Variants in CTCFL observed in about 807,000 individuals in gnomAD.
CTCFL encodes CCCTC-binding factor like.
In CTCFL, 36 loss-of-function variants were observed where a neutral mutation model predicts 67.4. The ratio of observed to expected loss-of-function variants is 0.53; its 90% CI spans 0.41 to 0.71. The LOEUF is 0.71. CTCFL is among the 30% of genes least tolerant of loss of function. The pLI, the probability that CTCFL is intolerant of heterozygous loss-of-function variation, is 0.00. For synonymous variants in CTCFL, 324 were observed against 302.3 expected (o/e 1.07, Z -0.75); for missense variants, 786 against 835.2 (o/e 0.94, Z 0.73).
chr20:57,522,631 T>C (rs965197057), intron 3 of CTCFL, among the ~76,000 whole-genome samples: 11 of 152,160 alleles, frequency 7.2e-5, no homozygotes, highest in Non-Finnish European at 1.5e-5. Flanking sequence ...CCCATCTTAG[T>C]GGCTTCTTTG....
intron 10 of CTCFL, chr20:57,500,189 G>A: frequency 1.0e-6 from 1 of 998,830 alleles, no homozygotes; most frequent in South Asian, 3.8e-5. Flanking sequence ...ATCAGGCCAG[G>A]CACAGGGGCT....
At chr20:57,511,875 G>A (rs2146356025) in intron 8 of CTCFL, among the ~76,000 whole-genome samples, 1 of 152,326 alleles carries the variant, frequency 6.6e-6, no homozygotes, top group South Asian at 2.1e-4. Context: ...TTGCAGGTGT[G>A]AGCCACTGCA....
intron 3 of CTCFL, among the ~76,000 whole-genome samples, chr20:57,521,194 A>T (rs6099665): frequency 0.023 from 3,447 of 152,302 alleles, 133 homozygotes; most frequent in African/African-American, 0.079. Context: ...AGTTTGTGGC[A>T]CTTTGTCATG....
chr20:57,517,431 C>A (rs983881691), intron 5 of CTCFL, among the ~76,000 whole-genome samples: 1 of 152,028 alleles, frequency 6.6e-6, no homozygotes, highest in Non-Finnish European at 1.5e-5. Context: ...CATGTGCCAC[C>A]ACACCTGGCT....
At chr20:57,509,829 G>C (rs575434869) in intron 8 of CTCFL, among the ~76,000 whole-genome samples, 19 of 152,158 alleles carry the variant, frequency 1.2e-4, no homozygotes, top group Non-Finnish European at 2.2e-4. Context: ...CATCTCTGGC[G>C]CTCCCTGCTG....
Position 57,519,376 on chromosome 20 carries a change from T to C in CTCFL, c.756A>G (p.Gly252=), listed in dbSNP as rs745558369. Residue 252 remains glycine, a splice_region_variant and synonymous_variant, in exon 4 of 11, where the codon GGA becomes GGG. Transcript: ENST00000243914. ...CATCACAGTGGAAGGTTCCTTTTGC[T>C]CCTATAGGCAGGAAATAGTTTATGT... ...KSTKNQRKTK[G]AKGTFHCDVC... is the part of the protein sequence containing the mutation. The C allele has an allele frequency of 4.3e-6, 7 of 1,612,158 alleles. No individual in the cohort carries two copies. Among genetic ancestry groups the C allele is most frequent in the African/African-American group, 1.3e-5 (1 of 74,882 alleles).
chr20:57,496,887 G>GA (rs1208299657), downstream of CTCFL, among the ~76,000 whole-genome samples: 1 of 152,074 alleles, frequency 6.6e-6, no homozygotes, highest in Non-Finnish European at 1.5e-5. Context: ...TGACTATTTT[G>GA]AAAAATGCTG....
intron 9 of CTCFL, among the ~76,000 whole-genome samples, chr20:57,505,921 G>A (rs1018979061): frequency 8.5e-5 from 13 of 152,146 alleles, no homozygotes; most frequent in African/African-American, 2.9e-4. Context: ...GAAACATCCC[G>A]CCTGATTCCC....
Position 57,523,871 on chromosome 20 carries a change from A to C in CTCFL, c.335T>G (p.Val112Gly). 6.2e-7 allele frequency: 1 copy of C among 1,613,154 alleles called. No homozygotes were observed. The highest frequency in any genetic ancestry group is 8.5e-7 in the Non-Finnish European group (1 of 1,180,026). The stretch of plus-strand genomic sequence containing the variant: ...CAGCAACCCAGGGCCAGGCTGTTGC[A>C]CCACCACCTGCACCCCTTCTTGCTG... ...IQQQEGVQVV[V>G]QQPGPGLLWL... is the part of the protein sequence containing the mutation. Residue 112 changes from valine to glycine, a missense_variant, in exon 2 of 11, where the codon GTG becomes GGG. This residue lies in a region of CTCFL where 333 missense variants were observed against 304.6 expected (regional missense o/e 1.09). Transcript: ENST00000243914.
At chr20:57,521,434 T>C (rs1472566504) in intron 3 of CTCFL, among the ~76,000 whole-genome samples, 6 of 152,210 alleles carry the variant, frequency 3.9e-5, no homozygotes, top group African/African-American at 7.2e-5. Flanking sequence ...TTGGTGAGGA[T>C]GTGGAGAAAC....
chr20:57,505,283 T>G (rs2068138821), intron 9 of CTCFL, among the ~76,000 whole-genome samples: 1 of 151,612 alleles, frequency 6.6e-6, no homozygotes, highest in Admixed American at 6.6e-5. Flanking sequence ...TGAGACGGAG[T>G]CTTGCTCTTT....
intron 7 of CTCFL, among the ~76,000 whole-genome samples, 154 bp from the exon 8 acceptor site, chr20:57,512,906 G>A (rs1194746600): frequency 6.6e-6 from 1 of 152,188 alleles, no homozygotes; most frequent in Non-Finnish European, 1.5e-5. Flanking sequence ...TGCATTGTAG[G>A]ATGTTAAGCA....
intron 1 of CTCFL, 33 bp from the exon 2 acceptor site, chr20:57,524,249 G>A (rs11699220): frequency 0.45 from 709,651 of 1,574,958 alleles, 164,639 homozygotes; most frequent in Middle Eastern, 0.52. Flanking sequence ...GTTTCCATAG[G>A]GGGGAGAAGG....
chr20:57,505,481 C>T (rs1280562740), intron 9 of CTCFL, among the ~76,000 whole-genome samples: 3 of 152,112 alleles, frequency 2.0e-5, no homozygotes, highest in Non-Finnish European at 4.4e-5. Context: ...TGGTCTCGAT[C>T]TCCTGACCTC....
At chr20:57,509,523 A>G (rs1006370248) in intron 8 of CTCFL, among the ~76,000 whole-genome samples, 1 of 152,090 alleles carries the variant, frequency 6.6e-6, no homozygotes, top group Non-Finnish European at 1.5e-5. Flanking sequence ...TTAGCCTCCC[A>G]AAGTGCTGGG....
Position 57,524,148 on chromosome 20 carries a change from C to T in CTCFL, c.58G>A (p.Glu20Lys), listed in dbSNP as rs752729345. The change falls in exon 2 of 11, where the codon GAG becomes AAG. Residue 20 changes from glutamate to lysine, a missense_variant. Physicochemically the swap from Glu to Lys is moderately conservative, Grantham distance 56. This residue lies in a region of CTCFL where 333 missense variants were observed against 304.6 expected (regional missense o/e 1.09). Coordinates refer to ENST00000243914, the MANE Select transcript of CTCFL (RefSeq NM_001386993.1). ...SEQFTKIKEL[E>K]LMPEKGLKEE... ...TTCAGGCCTTTTTCCGGCATCAACT[C>T]GAGTTCTTTGATCTTGGTGAATTGC... 10 of 1,613,390 alleles carry T rather than the reference C, an allele frequency of 6.2e-6. No homozygotes were observed. The East Asian group carries it at 2.0e-4, about 32-fold the overall frequency.
downstream of CTCFL, chr20:57,496,125 C>G (rs773095827): frequency 4.9e-6 from 2 of 404,664 alleles, no homozygotes; most frequent in East Asian, 7.1e-5. Context: ...GACTGGATCA[C>G]GGGGGCGGTT....
At chr20:57,508,906 C>G (rs755954544) in intron 8 of CTCFL, 118 bp from the exon 9 acceptor site, 47 of 916,476 alleles carry the variant, frequency 5.1e-5, no homozygotes, top group Non-Finnish European at 6.8e-5. Flanking sequence ...CACTATTAAG[C>G]AGAATTACTG....
chr20:57,497,059 G>T, downstream of CTCFL: 2 of 180,360 alleles, frequency 1.1e-5, no homozygotes, highest in Non-Finnish European at 2.0e-5. Context: ...CCCAGTGGCT[G>T]CACCATTTAA....
Sources: allele counts gnomAD v4.1 joint callset (sites outside exome capture counted in the v4.1 genomes callset), GRCh38; gene constraint gnomAD v4.1.1; regional missense constraint gnomAD v4.1.1; transcripts MANE v1.5; gene names NCBI Gene and HGNC (gene_info 2026-07-23, HGNC 2026-07-21).